NPY5R: variants seen among roughly 807,000 people sequenced by gnomAD.
NPY5R encodes neuropeptide Y receptor Y5.
NPY5R carries 21 observed loss-of-function variants against 24.8 expected under a neutral mutation model. The ratio of observed to expected loss-of-function variants is 0.85; its 90% CI spans 0.60 to 1.22. The LOEUF is 1.22. Ranked by LOEUF, NPY5R falls within the 50% of genes most tolerant of loss-of-function variation. The probability of loss-of-function intolerance (pLI) is 0.00; values close to 1 mark genes in which losing one functional copy is unlikely to be tolerated. For synonymous variants in NPY5R, 175 were observed against 183.0 expected (o/e 0.96, Z 0.35); for missense variants, 481 against 521.3 (o/e 0.92, Z 0.75).
intron 2 of NPY5R, among the ~76,000 whole-genome samples, chr4:163,346,226 A>G (rs1735244222): frequency 6.6e-6 from 1 of 152,236 alleles, no homozygotes; most frequent in Non-Finnish European, 1.5e-5. Flanking sequence ...TACATAAAGT[A>G]TTCATTATAT....
intron 3 of NPY5R, among the ~76,000 whole-genome samples, chr4:163,348,802 A>T (rs1314928341): frequency 6.6e-6 from 1 of 152,192 alleles, no homozygotes; most frequent in African/African-American, 2.4e-5. Context: ...ACGTAATGCC[A>T]TTGATGTATG....
In NPY5R at chr4:163,351,000, T is replaced by A; in HGVS notation, c.727T>A (p.Ser243Thr). Residue 243 changes from serine to threonine, a missense_variant, in exon 4 of 4, where the codon TCC (serine) becomes ACC (threonine). Transcript: ENST00000338566. ...CTGCAGAAGTATAAGCTGTGGATTGTCCAACAAAGAAAACAGACTTGAAGA... is the reference window on the plus strand; with the variant it reads ...CTGCAGAAGTATAAGCTGTGGATTGACCAACAAAGAAAACAGACTTGAAGA... ...SVCRSISCGL[S>T]NKENRLEENE... The A allele has an allele frequency of 6.2e-7, 1 of 1,614,040 alleles. No individual in the cohort carries two copies. The highest frequency in any genetic ancestry group is 8.5e-7 in the Non-Finnish European group (1 of 1,180,018).
Position 163,350,409 on chromosome 4 carries a change from G to A in NPY5R, c.136G>A (p.Gly46Arg), listed in dbSNP as rs571795802. 6 of 1,612,114 alleles carry A rather than the reference G, an allele frequency of 3.7e-6. No homozygotes were observed. The East Asian group carries it at 1.3e-4, about 36-fold the overall frequency. Reference protein sequence around the residue: ...SVDDLQYFLIGLYTFVSLLGF... With the variant: ...SVDDLQYFLIRLYTFVSLLGF... Reference sequence around the variant, plus strand: ...AGATGACTTACAGTATTTTCTGATTGGGCTCTATACATTTGTAAGTCTTCT... The same window carrying A: ...AGATGACTTACAGTATTTTCTGATTAGGCTCTATACATTTGTAAGTCTTCT... Residue 46 changes from glycine (G) to arginine (R), a missense_variant, in exon 4 of 4, where the codon GGG becomes AGG. Transcript: ENST00000338566.
downstream of NPY5R, among the ~76,000 whole-genome samples, chr4:163,352,367 A>G (rs374615948): frequency 2.0e-5 from 3 of 152,306 alleles, no homozygotes; most frequent in South Asian, 6.2e-4. Flanking sequence ...TCTAAATGGT[A>G]TCTGTATTTC....
At chr4:163,349,493 C>T (rs1017524764) in intron 3 of NPY5R, among the ~76,000 whole-genome samples, 1 of 152,044 alleles carries the variant, frequency 6.6e-6, no homozygotes, top group Non-Finnish European at 1.5e-5. Context: ...CATGTCCAGC[C>T]GAGTTGACCA....
In NPY5R at chr4:163,350,906, T is replaced by C; in HGVS notation, c.633T>C (p.Phe211=). ...SWPSDSYRIA[F]TISLLLVQYI... is the part of the protein sequence containing the mutation. ...CATCTGATTCATACAGAATTGCCTT[T>C]ACTATCTCTTTATTGCTAGTTCAGT... Residue 211 remains phenylalanine (F), a synonymous_variant, in exon 4 of 4, where the codon TTT becomes TTC. Transcript: ENST00000338566. 8 of 1,614,158 alleles carry C rather than the reference T, an allele frequency of 5.0e-6. No homozygotes were observed. The highest frequency in any genetic ancestry group is 6.8e-6 in the Non-Finnish European group (8 of 1,180,030).
rs907592185 is a variant in NPY5R, at chr4:163,351,622, T to C, written c.*11T>C. On this transcript the variant is annotated 3_prime_UTR_variant, in exon 4 of 4. Transcript: ENST00000338566. The stretch of plus-strand genomic sequence containing the variant: ...TGTCTTCATATGTAATAATTCTCAC[T>C]GTTTACCAAGGAAAGAACAAATGCT... The C allele has an allele frequency of 9.6e-6, 15 of 1,569,984 alleles. No individual in the cohort carries two copies. The Admixed American group carries it at 2.5e-4, about 26-fold the overall frequency.
chr4:163,350,236 G>C, intron 3 of NPY5R, 29 bp from the exon 4 acceptor site: 6 of 1,498,196 alleles, frequency 4.0e-6, no homozygotes, highest in Non-Finnish European at 5.4e-6. Flanking sequence ...TTTTTTGGTT[G>C]CTGACAAATG....
intron 2 of NPY5R, among the ~76,000 whole-genome samples, chr4:163,346,012 T>C (rs967256298): frequency 7.4e-6 from 1 of 135,814 alleles, no homozygotes; most frequent in African/African-American, 2.8e-5. Flanking sequence ...GGAGCAAAGA[T>C]TCACAGAATG....
In NPY5R at chr4:163,351,458, C is replaced by A; in HGVS notation, c.1185C>A (p.Asp395Glu). 6.2e-7 allele frequency: 1 copy of A among 1,613,808 alleles called. No homozygotes were observed. Among genetic ancestry groups the A allele is most frequent in the Non-Finnish European group, 8.5e-7 (1 of 1,179,842 alleles). ...HLFHVVTDFN[D>E]NLISNRHFKL... Reference sequence around the variant, plus strand: ...TCCATGTGGTAACTGATTTTAATGACAATCTTATTTCAAATAGGCATTTCA... The same window carrying A: ...TCCATGTGGTAACTGATTTTAATGAAAATCTTATTTCAAATAGGCATTTCA... Residue 395 changes from aspartate (D) to glutamate (E), a missense_variant, in exon 4 of 4, where the codon GAC (aspartate) becomes GAA (glutamate). By Grantham distance (45) the Asp-to-Glu change is conservative. Transcript: ENST00000338566.
chr4:163,351,294 C>T lies in NPY5R; in HGVS notation c.1021C>T (p.Pro341Ser). Residue 341 changes from proline to serine, a missense_variant, in exon 4 of 4, where the codon CCT (proline) becomes TCT (serine). Pro to Ser is a moderately conservative substitution (Grantham distance 74, BLOSUM62 -1). Transcript: ENST00000338566. ...GGTCCCCACTTGCTTTGAGATAAAA[C>T]CTGAAGAAAATTCAGATGTTCATGA... ...PGVPTCFEIK[P>S]EENSDVHELR... 1 of 1,613,566 alleles carries T rather than the reference C, an allele frequency of 6.2e-7. No individual in the cohort carries two copies. The highest frequency in any genetic ancestry group is 1.1e-5 in the South Asian group (1 of 91,066).
At chr4:163,347,234 T>C (rs1735290577) in intron 2 of NPY5R, among the ~76,000 whole-genome samples, 1 of 152,204 alleles carries the variant, frequency 6.6e-6, no homozygotes, top group African/African-American at 2.4e-5. Context: ...TCGAATATAA[T>C]AGAGAGGTCT....
intron 2 of NPY5R, among the ~76,000 whole-genome samples, chr4:163,346,502 GA>G (rs1314507965): frequency 1.3e-5 from 2 of 152,140 alleles, no homozygotes; most frequent in African/African-American, 4.8e-5. Flanking sequence ...ATGAATAAAA[GA>G]AGGAACAACT....
Position 163,351,312 on chromosome 4 carries a change from G to A in NPY5R, c.1039G>A (p.Val347Ile), listed in dbSNP as rs1339137117. ...GATAAAACCTGAAGAAAATTCAGAT[G>A]TTCATGAATTGAGAGTAAAACGTTC... ...FEIKPEENSD[V>I]HELRVKRSVT... The change falls in exon 4 of 4, where the codon GTT (valine) becomes ATT (isoleucine). Residue 347 changes from valine (V) to isoleucine (I), a missense_variant. By Grantham distance (29) the Val-to-Ile change is conservative. Transcript: ENST00000338566. 1.2e-6 allele frequency: 2 copies of A among 1,612,870 alleles called. No homozygotes were observed. Among genetic ancestry groups the A allele is most frequent in the Non-Finnish European group, 1.7e-6 (2 of 1,178,982 alleles).
At chr4:163,345,924 C>A (rs1364279131) in intron 2 of NPY5R, among the ~76,000 whole-genome samples, 171 bp downstream of exon 2, 1 of 149,640 alleles carries the variant, frequency 6.7e-6, no homozygotes, top group Non-Finnish European at 1.5e-5. Flanking sequence ...CACCACCACC[C>A]CTCCCCCACC....
intron 3 of NPY5R, among the ~76,000 whole-genome samples, chr4:163,348,116 C>T (rs1021722403): frequency 6.6e-6 from 1 of 152,116 alleles, no homozygotes; most frequent in Non-Finnish European, 1.5e-5. Context: ...TTAAAGATAA[C>T]AGTGTTTACT....
At chr4:163,346,237 T>A (rs1303969969) in intron 2 of NPY5R, among the ~76,000 whole-genome samples, 1 of 152,186 alleles carries the variant, frequency 6.6e-6, no homozygotes, top group Non-Finnish European at 1.5e-5. Flanking sequence ...TTCATTATAT[T>A]CAGCAGTAAT....
In NPY5R at chr4:163,350,881, C is replaced by T. The variant is rs777549230; in HGVS notation, c.608C>T (p.Pro203Leu). Residue 203 changes from proline to leucine, a missense_variant, in exon 4 of 4, where the codon CCA becomes CTA. By Grantham distance (98) the Pro-to-Leu change is moderately conservative. Coordinates refer to ENST00000338566, the MANE Select transcript of NPY5R (RefSeq NM_006174.4). The stretch of plus-strand genomic sequence containing the variant: ...AGGTATTTATGTGTTGAGTCATGGC[C>T]ATCTGATTCATACAGAATTGCCTTT... ...SSRYLCVESWPSDSYRIAFTI... is the reference protein window; with the variant it reads ...SSRYLCVESWLSDSYRIAFTI... The T allele has an allele frequency of 3.7e-6, 6 of 1,614,128 alleles. No individual in the cohort carries two copies. The South Asian group carries it at 6.6e-5, about 18-fold the overall frequency.
intron 1 of NPY5R, chr4:163,345,165 C>A (rs1560866503): frequency 1.3e-5 from 2 of 151,964 alleles, no homozygotes; most frequent in African/African-American, 4.8e-5. Context: ...ATTATTCAAA[C>A]AAAGAAACCT....
Sources: gnomAD v4.1 joint callset for allele counts (sites outside exome capture counted in the v4.1 genomes callset) on GRCh38, gnomAD v4.1.1 for gene constraint, MANE v1.5 for transcripts, NCBI Gene and HGNC (gene_info 2026-07-23, HGNC 2026-07-21) for gene names.